Variants in SLC24A3 observed in about 807,000 individuals in gnomAD.
SLC24A3 encodes solute carrier family 24 member 3, also known as sodium/potassium/calcium exchanger 3.
In SLC24A3, 28 loss-of-function variants were observed where a neutral mutation model predicts 75.8. That is an observed-to-expected ratio of 0.37 (90% CI 0.27 to 0.51). SLC24A3 has a LOEUF of 0.51. Among genes scored for constraint, SLC24A3 ranks in the 20% least tolerant of loss-of-function variants. The pLI is 0.94. For missense variants in SLC24A3, 663 were observed against 847.8 expected (o/e 0.78, Z 2.71); for synonymous variants, 372 against 334.1 (o/e 1.11, Z -1.24).
chr20:19,297,355 C>G (rs939199310), intron 2 of SLC24A3, among the ~76,000 whole-genome samples: 2 of 152,122 alleles, frequency 1.3e-5, no homozygotes, highest in African/African-American at 4.8e-5. Context: ...AACCTTTGCC[C>G]CCTGCCTCTG....
intron 2 of SLC24A3, among the ~76,000 whole-genome samples, chr20:19,357,098 A>G (rs571295507): frequency 5.9e-5 from 9 of 152,126 alleles, no homozygotes; most frequent in Non-Finnish European, 1.3e-4. Context: ...CCTAAATGTG[A>G]TCACAAGCAT....
chr20:19,709,376 C>T (rs2032966300), intron 15 of SLC24A3, among the ~76,000 whole-genome samples: 1 of 152,118 alleles, frequency 6.6e-6, no homozygotes, highest in African/African-American at 2.4e-5. Context: ...CTGGCAGCTG[C>T]TGCAGGGGCA....
intron 2 of SLC24A3, among the ~76,000 whole-genome samples, chr20:19,305,983 G>A (rs1984316771): frequency 6.6e-6 from 1 of 152,190 alleles, no homozygotes; most frequent in Admixed American, 6.5e-5. Context: ...CTATGCATCT[G>A]ACAGAAGTCT....
chr20:19,404,143 G>C lies in SLC24A3; in HGVS notation c.272-111345G>C, dbSNP rs1182057440. Among the ~76,000 whole-genome samples, 4 of 152,130 alleles carry C rather than the reference G, an allele frequency of 2.6e-5. No individual in the cohort carries two copies. In the East Asian group the frequency reaches 7.7e-4, roughly 29 times the overall value. On this transcript the variant is annotated intron_variant, in intron 2 of 16. Coordinates refer to ENST00000328041, the MANE Select transcript of SLC24A3 (RefSeq NM_020689.4). ...TGAACCTGCTGTCAGGGATTTCTTGGCACCCCTTTAAAATTCAGTTTTACT... is the reference window on the plus strand; with the variant it reads ...TGAACCTGCTGTCAGGGATTTCTTGCCACCCCTTTAAAATTCAGTTTTACT...
intron 2 of SLC24A3, among the ~76,000 whole-genome samples, chr20:19,357,517 T>C (rs1250957770): frequency 3.3e-5 from 5 of 152,226 alleles, no homozygotes; most frequent in African/African-American, 1.2e-4. Flanking sequence ...GCATTATGGA[T>C]ATTAATTCTT....
chr20:19,556,008 G>C (rs1600278911), intron 3 of SLC24A3, among the ~76,000 whole-genome samples: 1 of 152,270 alleles, frequency 6.6e-6, no homozygotes, highest in East Asian at 1.9e-4. Flanking sequence ...TTTGGTGTCT[G>C]GTAAGGCCTT....
At chr20:19,244,770 C>G (rs1036713926) in intron 1 of SLC24A3, among the ~76,000 whole-genome samples, 5 of 152,182 alleles carry the variant, frequency 3.3e-5, no homozygotes, top group Non-Finnish European at 5.9e-5. Context: ...GAAAATCCTC[C>G]TGATCCAAAA....
At chr20:19,407,394 G>A (rs1192183367) in intron 2 of SLC24A3, among the ~76,000 whole-genome samples, 22 of 152,198 alleles carry the variant, frequency 1.4e-4, no homozygotes, top group Admixed American at 1.4e-3. Context: ...TGAGAACGGG[G>A]CAGGTCGTGC....
At chr20:19,303,436 T>C (rs1371661080) in intron 2 of SLC24A3, among the ~76,000 whole-genome samples, 1 of 152,250 alleles carries the variant, frequency 6.6e-6, no homozygotes, top group African/African-American at 2.4e-5. Flanking sequence ...GTTGATTCCA[T>C]GTCCTTGCTA....
chr20:19,316,980 G>T (rs1479707743), intron 2 of SLC24A3, among the ~76,000 whole-genome samples: 1 of 151,920 alleles, frequency 6.6e-6, no homozygotes, highest in African/African-American at 2.4e-5. Flanking sequence ...TCTTCCTGGC[G>T]CTCTCCCTCC....
At chr20:19,510,477 T>C (rs1568638842) in intron 2 of SLC24A3, among the ~76,000 whole-genome samples, 1 of 152,228 alleles carries the variant, frequency 6.6e-6, no homozygotes, top group African/African-American at 2.4e-5. Context: ...TCAGTTCTTA[T>C]GCAAAGGAGG....
chr20:19,343,518 G>T (rs2122311641), intron 2 of SLC24A3, among the ~76,000 whole-genome samples: 2 of 151,974 alleles, frequency 1.3e-5, no homozygotes, highest in South Asian at 2.1e-4. Flanking sequence ...ATATTGTTTT[G>T]CACCCAGTAG....
chr20:19,561,439 C>T (rs1479417844), intron 3 of SLC24A3, among the ~76,000 whole-genome samples: 1 of 152,098 alleles, frequency 6.6e-6, no homozygotes, highest in Admixed American at 6.5e-5. Flanking sequence ...GGCAAAAGCT[C>T]TTAGGAGTCA....
chr20:19,289,748 T>A (rs1334057475), intron 2 of SLC24A3, among the ~76,000 whole-genome samples: 1 of 152,172 alleles, frequency 6.6e-6, no homozygotes, highest in Non-Finnish European at 1.5e-5. Flanking sequence ...GGCTCCCCAC[T>A]CCTCAATCAT....
intron 2 of SLC24A3, among the ~76,000 whole-genome samples, chr20:19,432,918 A>G (rs1016448386): frequency 6.6e-6 from 1 of 152,232 alleles, no homozygotes; most frequent in Non-Finnish European, 1.5e-5. Context: ...GAACATAAGC[A>G]TGTGACAGTT....
intron 1 of SLC24A3, among the ~76,000 whole-genome samples, chr20:19,231,826 T>G (rs1372734664): frequency 2.0e-5 from 3 of 152,226 alleles, no homozygotes; most frequent in African/African-American, 7.2e-5. Flanking sequence ...CTGGAGTGAT[T>G]GGCTGTGTGT....
chr20:19,309,421 G>A (rs921504911), intron 2 of SLC24A3, among the ~76,000 whole-genome samples: 3 of 152,190 alleles, frequency 2.0e-5, no homozygotes, highest in African/African-American at 4.8e-5. Context: ...CTGCTACTCA[G>A]TGTGGTCCAG....
intron 2 of SLC24A3, among the ~76,000 whole-genome samples, chr20:19,329,856 A>G (rs950221742): frequency 2.6e-5 from 4 of 152,076 alleles, no homozygotes; most frequent in Admixed American, 2.0e-4. Context: ...TACCTGTGCT[A>G]TTTGAAGGTC....
chr20:19,451,636 T>A (rs1327779486), intron 2 of SLC24A3, among the ~76,000 whole-genome samples: 1 of 152,238 alleles, frequency 6.6e-6, no homozygotes. Context: ...TTTTGAATGT[T>A]GGCTGCAAAG....
Sources: gnomAD v4.1 joint callset for allele counts (sites outside exome capture counted in the v4.1 genomes callset) on GRCh38, gnomAD v4.1.1 for gene constraint, MANE v1.5 for transcripts, NCBI Gene and HGNC (gene_info 2026-07-23, HGNC 2026-07-21) for gene names.